The following UGGT1 variants were observed in gnomAD, a reference collection of about 807,000 sequenced individuals.
UGGT1 encodes UDP-glucose glycoprotein glucosyltransferase 1.
A neutral mutation model predicts 203.9 loss-of-function variants in UGGT1; 107 were observed. That is an observed-to-expected ratio of 0.52 (90% CI 0.45 to 0.62). The LOEUF (loss-of-function observed/expected upper bound fraction) is 0.62, where lower values mean the gene tolerates loss of function less well. UGGT1 is among the 20% of genes least tolerant of loss of function. The pLI, the probability that UGGT1 is intolerant of heterozygous loss-of-function variation, is 0.00. For synonymous variants in UGGT1, 628 were observed against 653.5 expected (o/e 0.96, Z 0.59); for missense variants, 1,673 against 1,867.2 (o/e 0.90, Z 1.92).
At chr2:128,104,066 G>A (rs1558751485) in intron 3 of UGGT1, 52 bp downstream of exon 3, 2 of 1,413,888 alleles carry the variant, frequency 1.4e-6, no homozygotes, top group Non-Finnish European at 9.6e-7. Context: ...AAAATATTAG[G>A]AAAAAATTGT....
chr2:128,135,862 G>A (rs1356426481), intron 15 of UGGT1, among the ~76,000 whole-genome samples: 2 of 152,210 alleles, frequency 1.3e-5, no homozygotes, highest in Admixed American at 6.5e-5. Flanking sequence ...AGTTGGAAAT[G>A]CAGAGATTTT....
chr2:128,146,887 T>C (rs1190151971), intron 18 of UGGT1, among the ~76,000 whole-genome samples: 1 of 152,228 alleles, frequency 6.6e-6, no homozygotes, highest in Non-Finnish European at 1.5e-5. Context: ...GATAGCTTGT[T>C]GCTCAGAACC....
At chr2:128,119,150 T>G (rs1203678632) in intron 8 of UGGT1, among the ~76,000 whole-genome samples, 4 of 152,196 alleles carry the variant, frequency 2.6e-5, no homozygotes, top group South Asian at 4.1e-4. Context: ...TGATGTCATG[T>G]TGACATTTAA....
chr2:128,166,945 G>A (rs370453511), intron 26 of UGGT1, among the ~76,000 whole-genome samples: 4 of 152,278 alleles, frequency 2.6e-5, no homozygotes, highest in East Asian at 3.9e-4. Flanking sequence ...TCAGGTGTGC[G>A]TGGTGAGATC....
intron 25 of UGGT1, among the ~76,000 whole-genome samples, chr2:128,161,739 T>C (rs1690537059): frequency 6.6e-6 from 1 of 152,174 alleles, no homozygotes; most frequent in Non-Finnish European, 1.5e-5. Flanking sequence ...TTGTTGTCGG[T>C]TTTTAATTTT....
chr2:128,108,980 G>A (rs1368909051), intron 4 of UGGT1, among the ~76,000 whole-genome samples: 1 of 151,972 alleles, frequency 6.6e-6, no homozygotes, highest in Non-Finnish European at 1.5e-5. Flanking sequence ...CGCAATCACA[G>A]CTCACTGCAA....
intron 37 of UGGT1, 83 bp from the exon 38 acceptor site, chr2:128,183,592 G>C: frequency 2.1e-6 from 2 of 967,688 alleles, no homozygotes; most frequent in Non-Finnish European, 3.2e-6. Flanking sequence ...TATTTGGCTA[G>C]TGGCCTGTTC....
intron 24 of UGGT1, 113 bp downstream of exon 24, chr2:128,160,704 TG>T (rs1690484189): frequency 1.4e-6 from 2 of 1,426,276 alleles, no homozygotes; most frequent in Admixed American, 2.9e-5. Context: ...CAAAGGTGAT[TG>T]GGGCTTATGA....
chr2:128,100,656 A>G (rs1687336405), intron 2 of UGGT1, among the ~76,000 whole-genome samples: 1 of 149,844 alleles, frequency 6.7e-6, no homozygotes, highest in African/African-American at 2.5e-5. Flanking sequence ...TCCCCACCTC[A>G]GGTGATCCAC....
intron 25 of UGGT1, among the ~76,000 whole-genome samples, chr2:128,162,010 A>G (rs1299660975): frequency 6.6e-6 from 1 of 152,062 alleles, no homozygotes; most frequent in Non-Finnish European, 1.5e-5. Flanking sequence ...CATCCTCACA[A>G]CACTTGTAAT....
intron 33 of UGGT1, among the ~76,000 whole-genome samples, 181 bp downstream of exon 33, chr2:128,178,101 T>C (rs571199863): frequency 8.5e-5 from 13 of 152,274 alleles, no homozygotes; most frequent in African/African-American, 3.1e-4. Flanking sequence ...CCAAAAGAGG[T>C]TCATGTCTCC....
At chr2:128,132,812 G>A (rs1688946558) in intron 13 of UGGT1, among the ~76,000 whole-genome samples, 1 of 152,064 alleles carries the variant, frequency 6.6e-6, no homozygotes, top group Admixed American at 6.6e-5. Context: ...CTTGGGCTCA[G>A]GTGATCATCC....
intron 35 of UGGT1, among the ~76,000 whole-genome samples, chr2:128,180,580 GT>G (rs1691642129): frequency 6.6e-6 from 1 of 152,202 alleles, no homozygotes; most frequent in Middle Eastern, 3.2e-3. Context: ...CTGAAATCAA[GT>G]TTAGACAAAT....
intron 18 of UGGT1, among the ~76,000 whole-genome samples, chr2:128,150,828 C>T (rs1477716568): frequency 6.6e-6 from 1 of 151,982 alleles, no homozygotes; most frequent in African/African-American, 2.4e-5. Context: ...GCACAAGGCA[C>T]AGCTTACTTG....
At chr2:128,100,245 C>T (rs1046320408) in intron 2 of UGGT1, among the ~76,000 whole-genome samples, 7 of 151,912 alleles carry the variant, frequency 4.6e-5, no homozygotes, top group African/African-American at 1.2e-4. Flanking sequence ...CCATGTTGGC[C>T]GCCAGGCTGG....
At chr2:128,123,318 A>G in intron 11 of UGGT1, 72 bp downstream of exon 11, 1 of 1,238,370 alleles carries the variant, frequency 8.1e-7, no homozygotes, top group Admixed American at 2.0e-5. Flanking sequence ...GAGTTTAATC[A>G]GCAGCATTTA....
chr2:128,186,418 G>T lies in UGGT1; in HGVS notation c.4360-265G>T, dbSNP rs537550946. Among the ~76,000 whole-genome samples, 2 of 152,076 alleles carry T rather than the reference G, an allele frequency of 1.3e-5. 1 individual carries two copies. Among genetic ancestry groups the T allele is most frequent in the South Asian group, 4.1e-4 (2 of 4,820 alleles). On this transcript the variant is annotated intron_variant, in intron 38 of 40. Transcript: ENST00000259253. ...GCTCAGCAGTTTGAGACCAACCTGG[G>T]GCAACATGGCAAAACGCATCTCTAG...
rs186177060 is a variant in UGGT1 at position 128,180,609 on chromosome 2, G to A, written c.3901-281G>A. ...AGACAAATGGACTTAAAGTTCATGT[G>A]CTGTAAAAACACACACAGAGGGATA... On this transcript the variant is annotated intron_variant, in intron 35 of 40. Coordinates refer to ENST00000259253, the MANE Select transcript of UGGT1 (RefSeq NM_020120.4). Among the ~76,000 whole-genome samples, 18 of 152,328 alleles carry A rather than the reference G, an allele frequency of 1.2e-4. No homozygotes were observed. In the East Asian group the frequency reaches 1.5e-3, roughly 13 times the overall value.
chr2:128,107,890 T>A, intron 3 of UGGT1, 48 bp from the exon 4 acceptor site: 1 of 1,610,676 alleles, frequency 6.2e-7, no homozygotes, highest in Admixed American at 1.7e-5. Flanking sequence ...CTTCTTTAGA[T>A]ATCTCTAGTC....
Sources: allele counts gnomAD v4.1 joint callset (sites outside exome capture counted in the v4.1 genomes callset), GRCh38; gene constraint gnomAD v4.1.1; transcripts MANE v1.5; gene names NCBI Gene and HGNC (gene_info 2026-07-23, HGNC 2026-07-21).